PITPNC1: variants seen among roughly 807,000 people sequenced by gnomAD.
The protein encoded by PITPNC1 is phosphatidylinositol transfer protein cytoplasmic 1, also known as cytoplasmic phosphatidylinositol transfer protein 1.
A neutral mutation model predicts 44.7 loss-of-function variants in PITPNC1; 18 were observed. The observed-to-expected ratio is 0.40, with a 90% CI of 0.28 to 0.60. The LOEUF is 0.60. Ranked by LOEUF, PITPNC1 falls within the 20% of genes least tolerant of loss-of-function variation. PITPNC1 has a pLI of 0.39. For missense variants in PITPNC1, 290 were observed against 418.4 expected, an observed-to-expected ratio of 0.69 and a Z score of 2.68; for synonymous variants, 141 against 149.6, an observed-to-expected ratio of 0.94 and a Z score of 0.42.
intron 6 of PITPNC1, among the ~76,000 whole-genome samples, chr17:67,643,229 T>TA (rs2042109784): frequency 6.6e-6 from 1 of 151,986 alleles, no homozygotes; most frequent in South Asian, 2.1e-4. Flanking sequence ...CTACTAAAAA[T>TA]ACGAAAATTA....
intron 1 of PITPNC1, among the ~76,000 whole-genome samples, chr17:67,510,593 C>T (rs571953143): frequency 3.9e-5 from 6 of 152,172 alleles, no homozygotes; most frequent in Middle Eastern, 3.4e-3. Flanking sequence ...TGAGCCACCG[C>T]GCCTGGCCAT....
chr17:67,448,639 A>G (rs1372008085), intron 1 of PITPNC1, among the ~76,000 whole-genome samples: 1 of 152,198 alleles, frequency 6.6e-6, no homozygotes, highest in Non-Finnish European at 1.5e-5. Context: ...CTCTTCTGTC[A>G]GAGTCCAGTG....
At chr17:67,380,913 A>G (rs1056380889) in intron 1 of PITPNC1, among the ~76,000 whole-genome samples, 2 of 152,090 alleles carry the variant, frequency 1.3e-5, no homozygotes, top group African/African-American at 4.8e-5. Flanking sequence ...AGCTGGGACA[A>G]TAGGTGTGTG....
chr17:67,389,510 TAG>T (rs2038105016), intron 1 of PITPNC1, among the ~76,000 whole-genome samples: 1 of 152,180 alleles, frequency 6.6e-6, no homozygotes, highest in Non-Finnish European at 1.5e-5. Flanking sequence ...ACAGGGCAGG[TAG>T]ATCCCTGCCC....
At chr17:67,478,886 CTT>C (rs1016034251) in intron 1 of PITPNC1, among the ~76,000 whole-genome samples, 3 of 145,862 alleles carry the variant, frequency 2.1e-5, no homozygotes, top group Admixed American at 1.4e-4. Flanking sequence ...TTTCTTCAAT[CTT>C]TTTTTTTTTT....
intron 2 of PITPNC1, among the ~76,000 whole-genome samples, chr17:67,541,777 A>G (rs534943806): frequency 1.6e-4 from 24 of 152,342 alleles, no homozygotes; most frequent in African/African-American, 5.3e-4. Context: ...GTGCCATTAG[A>G]TGGAGAAGAC....
At chr17:67,602,644 C>T (rs1187244465) in intron 5 of PITPNC1, among the ~76,000 whole-genome samples, 2 of 152,128 alleles carry the variant, frequency 1.3e-5, no homozygotes, top group Non-Finnish European at 2.9e-5. Context: ...TCATCAATCA[C>T]CAATGAGGCG....
chr17:67,599,032 A>T (rs1197732300), intron 5 of PITPNC1, among the ~76,000 whole-genome samples: 308 of 29,218 alleles, frequency 0.011, 13 homozygotes, highest in African/African-American at 0.046. Context: ...ATATATATAT[A>T]TATTTTTTTT....
At chr17:67,420,651 T>A (rs1462073453) in intron 1 of PITPNC1, among the ~76,000 whole-genome samples, 1 of 152,076 alleles carries the variant, frequency 6.6e-6, no homozygotes, top group African/African-American at 2.4e-5. Flanking sequence ...AGGCTGGTCT[T>A]GAACTCCTGG....
chr17:67,388,050 G>A (rs1173119563), intron 1 of PITPNC1, among the ~76,000 whole-genome samples: 2 of 152,162 alleles, frequency 1.3e-5, no homozygotes, highest in African/African-American at 2.4e-5. Context: ...CTGAATGAAT[G>A]GATAGGAAGA....
chr17:67,447,916 C>T, intron 1 of PITPNC1, among the ~76,000 whole-genome samples: 1 of 150,368 alleles, frequency 6.7e-6, no homozygotes, highest in East Asian at 2.0e-4. Flanking sequence ...CTTTCTCTCT[C>T]TGTCTCTCTC....
chr17:67,584,753 A>G (rs1272866212), intron 5 of PITPNC1, among the ~76,000 whole-genome samples: 2 of 152,184 alleles, frequency 1.3e-5, no homozygotes, highest in Non-Finnish European at 2.9e-5. Context: ...TTTGCTGTTC[A>G]ACAAGTTTTG....
At chr17:67,388,273 T>C (rs999999809) in intron 1 of PITPNC1, among the ~76,000 whole-genome samples, 1 of 152,116 alleles carries the variant, frequency 6.6e-6, no homozygotes, top group Non-Finnish European at 1.5e-5. Context: ...GTCAGACTGC[T>C]TTCCTCCCAA....
At chr17:67,424,529 C>T (rs946162405) in intron 1 of PITPNC1, among the ~76,000 whole-genome samples, 2 of 151,744 alleles carry the variant, frequency 1.3e-5, no homozygotes, top group Admixed American at 6.6e-5. Context: ...TGGTGGTGGG[C>T]GCCTGTAATC....
chr17:67,418,997 T>G (rs2038626236), intron 1 of PITPNC1, among the ~76,000 whole-genome samples: 1 of 152,170 alleles, frequency 6.6e-6, no homozygotes, highest in Admixed American at 6.5e-5. Flanking sequence ...ACTTTGTGCT[T>G]CTTAGGTTTG....
At position 67,484,214 on chromosome 17, in the gene PITPNC1, AGCCTGTTAATAAC is replaced by A. The variant is rs564043278; in HGVS notation, c.49-48585_49-48573del. ...ATTACAGGGGCGAGCCTCCACACCCAGCCTGTTAATAACGCTTTTCTTCATTCCATTTTCTTGC... is the reference window on the plus strand; with the variant it reads ...ATTACAGGGGCGAGCCTCCACACCCAGCTTTTCTTCATTCCATTTTCTTGC... On this transcript the variant is annotated intron_variant, in intron 1 of 8. Coordinates refer to ENST00000581322, the MANE Select transcript of PITPNC1 (RefSeq NM_012417.4). Among the ~76,000 whole-genome samples, 427 of 152,200 alleles carry A rather than the reference AGCCTGTTAATAAC, an allele frequency of 2.8e-3. 5 individuals carry two copies. Among genetic ancestry groups the A allele is most frequent in the Admixed American group, 0.023 (348 of 15,282 alleles).
intron 5 of PITPNC1, among the ~76,000 whole-genome samples, chr17:67,602,427 G>A (rs994877467): frequency 3.3e-5 from 5 of 152,184 alleles, no homozygotes; most frequent in East Asian, 1.9e-4. Flanking sequence ...AAGGGAAGTG[G>A]TTAGAGGTGG....
At chr17:67,690,608 G>C (rs1349312248) in intron 8 of PITPNC1, among the ~76,000 whole-genome samples, 2 of 152,008 alleles carry the variant, frequency 1.3e-5, no homozygotes, top group Non-Finnish European at 2.9e-5. Flanking sequence ...CATGGCAGTG[G>C]ACAAGAAACA....
rs12603540 is a variant in PITPNC1, at chr17:67,464,210, T to A, written c.49-68592T>A. ...TCCATCTCAATTAAAAAAAAAAAAA[T>A]GATATTTTCTGTGTTCATCTAAGTA... On this transcript the variant is annotated intron_variant, in intron 1 of 8. Transcript: ENST00000581322. Among the ~76,000 whole-genome samples the A allele has an allele frequency of 3.7e-3, 281 of 75,138 alleles. 2 individuals are homozygous for A. Among genetic ancestry groups the A allele is most frequent in the Non-Finnish European group, 4.9e-3 (171 of 35,066 alleles). The allele number at this position is 75,138 out of a possible 152,430, so 49.3% of individuals were successfully genotyped here. A position where few individuals can be genotyped will look rare whatever the true frequency, so the allele number is the denominator to read the frequency against.
Sources: gnomAD v4.1 joint callset for allele counts (sites outside exome capture counted in the v4.1 genomes callset) on GRCh38, gnomAD v4.1.1 for gene constraint, MANE v1.5 for transcripts, NCBI Gene and HGNC (gene_info 2026-07-23, HGNC 2026-07-21) for gene names.